Variants in DACH1 observed in about 807,000 individuals in gnomAD.
DACH1 encodes the protein dachshund family transcription factor 1.
A neutral mutation model predicts 54.2 loss-of-function variants in DACH1; 12 were observed. That is an observed-to-expected ratio of 0.22 (90% CI 0.14 to 0.36). The LOEUF is 0.36. Ranked by LOEUF, DACH1 falls within the 10% of genes least tolerant of loss-of-function variation. The pLI, the probability that DACH1 is intolerant of heterozygous loss-of-function variation, is 1.00. For missense variants in DACH1, 805 were observed against 929.8 expected (o/e 0.87, Z 1.75); for synonymous variants, 386 against 366.2 (o/e 1.05, Z -0.62).
At chr13:71,691,649 A>G (rs1285501369) in intron 1 of DACH1, among the ~76,000 whole-genome samples, 1 of 152,240 alleles carries the variant, frequency 6.6e-6, no homozygotes, top group Admixed American at 6.5e-5. Flanking sequence ...CTGGCTTCAG[A>G]TGCCAAGCCC....
At chr13:71,840,148 G>A (rs1330984695) in intron 1 of DACH1, among the ~76,000 whole-genome samples, 5 of 151,918 alleles carry the variant, frequency 3.3e-5, no homozygotes, top group African/African-American at 1.2e-4. Flanking sequence ...GGGTTTCACT[G>A]TGTTGGCTAG....
intron 1 of DACH1, among the ~76,000 whole-genome samples, chr13:71,752,791 T>C (rs1884984772): frequency 6.6e-6 from 1 of 152,194 alleles, no homozygotes; most frequent in East Asian, 1.9e-4. Context: ...TTTTGAAAGC[T>C]CTTTTAACAT....
At chr13:71,479,955 C>T (rs549990943) in intron 7 of DACH1, among the ~76,000 whole-genome samples, 5 of 152,270 alleles carry the variant, frequency 3.3e-5, no homozygotes, top group Non-Finnish European at 7.3e-5. Flanking sequence ...TCTCTTACTA[C>T]CCTATCTCCA....
At chr13:71,637,591 T>C (rs1465172777) in intron 2 of DACH1, among the ~76,000 whole-genome samples, 1 of 152,192 alleles carries the variant, frequency 6.6e-6, no homozygotes, top group Non-Finnish European at 1.5e-5. Flanking sequence ...CTAGTTTAAA[T>C]TCTATATTCT....
intron 6 of DACH1, among the ~76,000 whole-genome samples, chr13:71,528,757 C>T (rs1043726734): frequency 1.3e-5 from 2 of 151,906 alleles, no homozygotes; most frequent in African/African-American, 4.8e-5. Context: ...CCTTTCAGAA[C>T]CTCACCTGGA....
rs71123234 is a variant in DACH1 at position 71,590,875 on chromosome 13, C to CTTTTTTTTTTTT, written c.1127-17875_1127-17864dup. Reference sequence around the variant, plus strand: ...TCTCTCTGTCTCTGTCTCTCTCTTTCTTTTTTTTTTTTTTTTTTTTTTTGA... The same window carrying CTTTTTTTTTTTT: ...TCTCTCTGTCTCTGTCTCTCTCTTTCTTTTTTTTTTTTTTTTTTTTTTTTTTTTTTTTTTTGA... On this transcript the variant is annotated intron_variant, in intron 3 of 10. Transcript: ENST00000613252. Among the ~76,000 whole-genome samples the CTTTTTTTTTTTT allele has an allele frequency of 1.4e-4, 12 of 85,128 alleles. 1 individual carries two copies. The highest frequency in any genetic ancestry group is 2.8e-4 in the African/African-American group (6 of 21,504). The allele number at this position is 85,128 out of a possible 152,430, so 55.8% of individuals were successfully genotyped here.
intron 1 of DACH1, among the ~76,000 whole-genome samples, chr13:71,695,453 A>G (rs1346785975): frequency 6.6e-6 from 1 of 152,246 alleles, no homozygotes; most frequent in Non-Finnish European, 1.5e-5. Flanking sequence ...AGAGAAAGGA[A>G]AAAGAGAAGA....
intron 3 of DACH1, among the ~76,000 whole-genome samples, chr13:71,622,149 A>G (rs558241871): frequency 6.6e-6 from 1 of 152,140 alleles, no homozygotes; most frequent in South Asian, 2.1e-4. Flanking sequence ...ACTATTTTAT[A>G]TTAGATTTCA....
intron 8 of DACH1, among the ~76,000 whole-genome samples, chr13:71,476,957 G>T (rs1877573365): frequency 6.7e-6 from 1 of 149,578 alleles, no homozygotes; most frequent in African/African-American, 2.4e-5. Flanking sequence ...TTTACTGTTT[G>T]ATTTCTTACT....
chr13:71,749,747 T>A (rs910954590), intron 1 of DACH1, among the ~76,000 whole-genome samples: 1 of 152,158 alleles, frequency 6.6e-6, no homozygotes, highest in Non-Finnish European at 1.5e-5. Context: ...TTTATACCAT[T>A]CTGTGAACCC....
intron 1 of DACH1, among the ~76,000 whole-genome samples, chr13:71,844,608 C>T (rs1021231865): frequency 6.6e-6 from 1 of 152,094 alleles, no homozygotes; most frequent in African/African-American, 2.4e-5. Context: ...TTTGACATGA[C>T]ATTGATGAGA....
At chr13:71,839,404 A>G (rs1027935312) in intron 1 of DACH1, among the ~76,000 whole-genome samples, 1 of 152,090 alleles carries the variant, frequency 6.6e-6, no homozygotes, top group Non-Finnish European at 1.5e-5. Flanking sequence ...TCAGGAGATC[A>G]AGATCATCCT....
rs552083117 is a variant in DACH1 at position 71,529,298 on chromosome 13, T to C, written c.1570+27726A>G. On this transcript the variant is annotated intron_variant, in intron 6 of 10. Coordinates refer to ENST00000613252, the MANE Select transcript of DACH1 (RefSeq NM_080759.6). ...ACCTCCCTGGTTCAAGTGATTCTCC[T>C]GCCTCAGCCTCCTGAGTAGCTGGGA... is the stretch of plus-strand genomic sequence containing the variant. Among the ~76,000 whole-genome samples the C allele has an allele frequency of 6.0e-5, 9 of 151,178 alleles. No homozygotes were observed. In the South Asian group the frequency reaches 1.3e-3, roughly 21 times the overall value.
chr13:71,687,575 T>C (rs1363987739), intron 1 of DACH1, among the ~76,000 whole-genome samples: 2 of 152,214 alleles, frequency 1.3e-5, no homozygotes, highest in Non-Finnish European at 2.9e-5. Context: ...TTCGTTTCTC[T>C]GTCATAAACA....
At chr13:71,755,266 A>G (rs992459974) in intron 1 of DACH1, among the ~76,000 whole-genome samples, 5 of 152,202 alleles carry the variant, frequency 3.3e-5, no homozygotes, top group Non-Finnish European at 5.9e-5. Context: ...TGAGGAAAAA[A>G]AGATATTTTG....
intron 3 of DACH1, among the ~76,000 whole-genome samples, chr13:71,606,725 C>T (rs900719626): frequency 6.6e-6 from 1 of 151,968 alleles, no homozygotes; most frequent in African/African-American, 2.4e-5. Context: ...CATAGTGAGA[C>T]ACCCTAAATG....
intron 2 of DACH1, among the ~76,000 whole-genome samples, chr13:71,654,458 G>GTAAAATAAAATAAAATAAAATAAAA (rs58963611): frequency 1.7e-4 from 12 of 71,288 alleles, no homozygotes; most frequent in East Asian, 1.0e-3. Context: ...ATAAAATAAA[G>GTAAAATAAAATAAAATAAAATAAAA]TAAAATAAAA....
intron 1 of DACH1, among the ~76,000 whole-genome samples, chr13:71,781,051 C>T (rs945292294): frequency 6.6e-6 from 1 of 152,140 alleles, no homozygotes; most frequent in Non-Finnish European, 1.5e-5. Flanking sequence ...GGGAGGATCA[C>T]TTGAGCCCAG....
chr13:71,737,459 C>A (rs1420869839), intron 1 of DACH1, among the ~76,000 whole-genome samples: 1 of 152,006 alleles, frequency 6.6e-6, no homozygotes, highest in Non-Finnish European at 1.5e-5. Context: ...ACAGAACATA[C>A]AATATTTATG....
Sources: gnomAD v4.1 joint callset for allele counts (sites outside exome capture counted in the v4.1 genomes callset) on GRCh38, gnomAD v4.1.1 for gene constraint, MANE v1.5 for transcripts, NCBI Gene and HGNC (gene_info 2026-07-23, HGNC 2026-07-21) for gene names.